The following VRK2 variants were observed in gnomAD, a reference collection of about 807,000 sequenced individuals.
VRK2 encodes VRK serine/threonine kinase 2, also known as serine/threonine-protein kinase VRK2.
VRK2 carries 60 observed loss-of-function variants against 57.6 expected under a neutral mutation model. That is an observed-to-expected ratio of 1.04 (90% CI 0.85 to 1.29). The LOEUF (loss-of-function observed/expected upper bound fraction) is 1.29. Ranked by LOEUF, VRK2 falls within the 50% of genes most tolerant of loss-of-function variation. VRK2 has a pLI of 0.00. For synonymous variants in VRK2, 231 were observed against 199.2 expected, an observed-to-expected ratio of 1.16 and a Z score of -1.35; for missense variants, 705 against 588.1, an observed-to-expected ratio of 1.20 and a Z score of -2.06.
chr2:58,053,793 A>G (rs1015723927), intron 2 of VRK2, among the ~76,000 whole-genome samples: 6 of 152,134 alleles, frequency 3.9e-5, no homozygotes, highest in East Asian at 1.9e-4. Context: ...ATCTGACACA[A>G]TGCAACGTTG....
At chr2:58,109,330 C>G (rs1246294320) in intron 7 of VRK2, among the ~76,000 whole-genome samples, 2 of 151,874 alleles carry the variant, frequency 1.3e-5, no homozygotes, top group African/African-American at 4.8e-5. Flanking sequence ...AGCTAAATAA[C>G]TTTGTACATT....
chr2:58,045,410 G>C (rs539565585), upstream of VRK2, among the ~76,000 whole-genome samples: 1 of 152,248 alleles, frequency 6.6e-6, no homozygotes, highest in Non-Finnish European at 1.5e-5. Context: ...CCGGGGAAGT[G>C]GTGGAAAGCT....
intron 2 of VRK2, among the ~76,000 whole-genome samples, chr2:58,054,513 A>G (rs1161235461): frequency 6.6e-6 from 1 of 152,070 alleles, no homozygotes; most frequent in Non-Finnish European, 1.5e-5. Context: ...TTCCTTATGA[A>G]ATATGGATAG....
At chr2:58,136,689 T>C (rs1004659336) in intron 10 of VRK2, among the ~76,000 whole-genome samples, 7 of 151,026 alleles carry the variant, frequency 4.6e-5, no homozygotes, top group Admixed American at 2.7e-4. Context: ...CTGGCCCTTA[T>C]TGGCACTTTT....
intron 2 of VRK2, among the ~76,000 whole-genome samples, chr2:58,066,352 T>G (rs1448180773): frequency 9.2e-5 from 14 of 152,140 alleles, no homozygotes; most frequent in Admixed American, 2.6e-4. Context: ...TGGTTCTTCT[T>G]TAGATTATTA....
rs1287610227 is a variant in VRK2 at position 58,114,734 on chromosome 2, C to T, written c.544-8367C>T. On this transcript the variant is annotated intron_variant, in intron 7 of 12. Transcript: ENST00000340157. ...CTGAAAAACTGCTTGGCTGATTTGACTAATAAAGGCTGGTCTGTTATCAGA... is the reference window on the plus strand; with the variant it reads ...CTGAAAAACTGCTTGGCTGATTTGATTAATAAAGGCTGGTCTGTTATCAGA... Among the ~76,000 whole-genome samples, 8 of 151,854 alleles carry T rather than the reference C, an allele frequency of 5.3e-5. 1 individual carries two copies. The highest frequency in any genetic ancestry group is 3.9e-4 in the East Asian group (2 of 5,194).
At chr2:57,981,100 AG>A (rs1473009175) in intron 1 of VRK2, among the ~76,000 whole-genome samples, 1 of 152,120 alleles carries the variant, frequency 6.6e-6, no homozygotes, top group African/African-American at 2.4e-5. Context: ...GTTTTTATGT[AG>A]ATTTGATTGT....
chr2:58,086,021 C>A (rs568022062), intron 4 of VRK2, among the ~76,000 whole-genome samples: 1 of 144,850 alleles, frequency 6.9e-6, no homozygotes, highest in Admixed American at 7.1e-5. Flanking sequence ...TGGTGGTTAA[C>A]ATATGTTATA....
intron 1 of VRK2, among the ~76,000 whole-genome samples, chr2:57,909,462 A>ATGTGTG (rs148903758): frequency 6.5e-4 from 83 of 128,596 alleles, no homozygotes; most frequent in African/African-American, 2.2e-3. Context: ...GCCTGAGTGT[A>ATGTGTG]TGTGTGTGTG....
chr2:57,947,331 T>C (rs1458036672), intron 1 of VRK2, among the ~76,000 whole-genome samples: 3 of 152,202 alleles, frequency 2.0e-5, no homozygotes, highest in Admixed American at 1.3e-4. Flanking sequence ...GTATGTAATA[T>C]GTTGTTGGGC....
At chr2:58,007,067 A>G (rs1332986218) in intron 1 of VRK2, among the ~76,000 whole-genome samples, 1 of 151,838 alleles carries the variant, frequency 6.6e-6, no homozygotes, top group Non-Finnish European at 1.5e-5. Context: ...AACTGACACC[A>G]TCAATATTCT....
At chr2:58,123,443 A>G (rs1007381632) in intron 8 of VRK2, among the ~76,000 whole-genome samples, 1 of 152,202 alleles carries the variant, frequency 6.6e-6, no homozygotes. Flanking sequence ...GTGGTGAAGG[A>G]GCAAAAGTGT....
At position 58,159,646 on chromosome 2, in the gene VRK2, A is replaced by G; in HGVS notation, c.1480A>G (p.Ile494Val). 1 of 1,613,644 alleles carries G rather than the reference A, an allele frequency of 6.2e-7. No homozygotes were observed. The change falls in exon 13 of 13, where the codon ATA becomes GTA. Residue 494 changes from isoleucine (I) to valine (V), a missense_variant. Transcript: ENST00000340157. ...AGATGTTTATTATTATCGCATCATC[A>G]TACCTGTCCTTTTGATGTTAGTATT... The part of the protein sequence containing the change: ...NADVYYYRII[I>V]PVLLMLVFLA...
intron 7 of VRK2, among the ~76,000 whole-genome samples, chr2:58,101,665 TTGG>T (rs1673988041): frequency 6.6e-6 from 1 of 151,712 alleles, no homozygotes; most frequent in Admixed American, 6.6e-5. Context: ...TGTGATTTCT[TTGG>T]TCCCTTTTAT....
chr2:58,010,881 T>C (rs1177893183), intron 1 of VRK2, among the ~76,000 whole-genome samples: 1 of 152,170 alleles, frequency 6.6e-6, no homozygotes, highest in Non-Finnish European at 1.5e-5. Flanking sequence ...CCTCTATATG[T>C]TTACTTAAAA....
intron 1 of VRK2, 174 bp from the exon 2 acceptor site, chr2:58,048,652 GA>G (rs1675243431): frequency 6.7e-7 from 1 of 1,502,886 alleles, no homozygotes; most frequent in Admixed American, 2.1e-5. Context: ...TAATGTATGT[GA>G]ATTTCTAATT....
chr2:58,123,027 C>A, intron 7 of VRK2, 74 bp from the exon 8 acceptor site: 1 of 1,517,908 alleles, frequency 6.6e-7, no homozygotes, highest in Non-Finnish European at 8.8e-7. Flanking sequence ...CTATCAGTTT[C>A]TTAAGACTTA....
At chr2:58,049,546 G>A (rs1042594729) in intron 2 of VRK2, among the ~76,000 whole-genome samples, 2 of 152,098 alleles carry the variant, frequency 1.3e-5, no homozygotes, top group African/African-American at 4.8e-5. Flanking sequence ...AGGAACCATG[G>A]GCTGGATAGG....
At chr2:58,097,629 G>C (rs1004722359) in intron 7 of VRK2, among the ~76,000 whole-genome samples, 3 of 152,002 alleles carry the variant, frequency 2.0e-5, no homozygotes, top group African/African-American at 7.2e-5. Context: ...ATACAACAGT[G>C]GTCCTGTAAG....
Sources: gnomAD v4.1 joint callset for allele counts (sites outside exome capture counted in the v4.1 genomes callset) on GRCh38, gnomAD v4.1.1 for gene constraint, MANE v1.5 for transcripts, NCBI Gene and HGNC (gene_info 2026-07-23, HGNC 2026-07-21) for gene names.